PIEZO2: variants seen among roughly 807,000 people sequenced by gnomAD.
PIEZO2 encodes the protein piezo-type mechanosensitive ion channel component 2.
A neutral mutation model predicts 337.3 loss-of-function variants in PIEZO2; 172 were observed. The observed-to-expected ratio is 0.51, with a 90% CI of 0.45 to 0.58. PIEZO2 has a LOEUF of 0.58. Among genes scored for constraint, PIEZO2 ranks in the 20% least tolerant of loss-of-function variants. The pLI is 0.00. For synonymous variants in PIEZO2, 1,251 were observed against 1,228.5 expected (o/e 1.02, Z -0.38); for missense variants, 3,028 against 3,391.3 (o/e 0.89, Z 2.66).
intron 7 of PIEZO2, among the ~76,000 whole-genome samples, chr18:10,817,869 G>C (rs2144427557): frequency 6.7e-6 from 1 of 149,528 alleles, no homozygotes; most frequent in East Asian, 2.0e-4. Flanking sequence ...GTTGCAGTGA[G>C]CCAAGATTGT....
intron 47 of PIEZO2, 40 bp downstream of exon 47, chr18:10,696,034 A>G (rs967828883): frequency 6.4e-7 from 1 of 1,555,948 alleles, no homozygotes; most frequent in South Asian, 1.1e-5. Flanking sequence ...ACACAGTTGC[A>G]TGGAGGCAGG....
At chr18:10,774,154 G>A in intron 18 of PIEZO2, 116 bp from the exon 19 acceptor site, 1 of 666,684 alleles carries the variant, frequency 1.5e-6, no homozygotes, top group Admixed American at 2.2e-5. Flanking sequence ...ATTCCTGTAT[G>A]CCTGTTGCAG....
intron 3 of PIEZO2, among the ~76,000 whole-genome samples, chr18:10,921,082 C>T (rs1945709142): frequency 6.6e-6 from 1 of 152,048 alleles, no homozygotes; most frequent in Non-Finnish European, 1.5e-5. Flanking sequence ...AAAGAATGTG[C>T]ATGGAGGAGT....
intron 4 of PIEZO2, among the ~76,000 whole-genome samples, chr18:10,873,522 CCTA>C (rs932505712): frequency 1.7e-4 from 26 of 152,258 alleles, no homozygotes; most frequent in Admixed American, 5.2e-4. Flanking sequence ...TCATTATTTA[CCTA>C]CTGTTTGCAA....
In PIEZO2 at chr18:10,784,758, G is replaced by A; in HGVS notation, c.2492+26C>T. The A allele has an allele frequency of 2.7e-6, 4 of 1,506,272 alleles. No homozygotes were observed. Among genetic ancestry groups the A allele is most frequent in the Non-Finnish European group, 3.5e-6 (4 of 1,128,208 alleles). 93.3% of individuals were successfully genotyped at this position (1,506,272 alleles called of 1,614,324 possible). ...AAGAGCTGCCTTCCTGCTAATAAGA[G>A]GTCTGTGTTTCTTCCAGTGGCTCAC... is the stretch of plus-strand genomic sequence containing the variant. On this transcript the variant is annotated intron_variant, in intron 17 of 55. Transcript: ENST00000674853. The surrounding 1 kb of genome is among the most constrained non-coding windows in gnomAD (Gnocchi z 4.5).
In PIEZO2 at chr18:11,148,480, C is replaced by A; in HGVS notation, c.64+45G>T. On this transcript the variant is annotated intron_variant, in intron 1 of 55. Transcript: ENST00000674853. This position sits in a 1 kb window ranked among gnomAD's most constrained non-coding sequence, Gnocchi z 5.2. ...TTAAGAAGTCCCCCACCCAGGCGCC[C>A]CCCTCGTCCTCCTCAAGTGCCCTCG... is the stretch of plus-strand genomic sequence containing the variant. 1 of 1,531,992 alleles carries A rather than the reference C, an allele frequency of 6.5e-7. No homozygotes were observed. Among genetic ancestry groups the A allele is most frequent in the Non-Finnish European group, 8.8e-7 (1 of 1,142,310 alleles). 94.9% of individuals were successfully genotyped at this position (1,531,992 alleles called of 1,614,324 possible).
chr18:11,131,773 A>G lies in PIEZO2; in HGVS notation c.64+16752T>C, dbSNP rs2040346963. On this transcript the variant is annotated intron_variant, in intron 1 of 55. Transcript: ENST00000674853. The surrounding 1 kb of genome is among the most constrained non-coding windows in gnomAD (Gnocchi z 5.3). Reference sequence around the variant, plus strand: ...GGACCTGAGTGGTCAAAAACTGTGAAGATATTTGTATCCCATGTGAGTGCT... The same window carrying G: ...GGACCTGAGTGGTCAAAAACTGTGAGGATATTTGTATCCCATGTGAGTGCT... Among the ~76,000 whole-genome samples the G allele has an allele frequency of 6.6e-6, 1 of 152,302 alleles. No individual in the cohort carries two copies.
chr18:10,703,650 T>G (rs936012821), intron 42 of PIEZO2, among the ~76,000 whole-genome samples: 1 of 152,106 alleles, frequency 6.6e-6, no homozygotes. Flanking sequence ...CAAAGCACCA[T>G]GGTCGTCCAG....
At position 10,830,238 on chromosome 18, in the gene PIEZO2, T is replaced by C. The variant is rs901826197; in HGVS notation, c.918-22964A>G. ...TGGTGCTGGGAAAACTGGATATCCA[T>C]ACGCAGAAGATTAACACTAGACCCC... On this transcript the variant is annotated intron_variant, in intron 7 of 55. Coordinates refer to ENST00000674853, the MANE Select transcript of PIEZO2 (RefSeq NM_001378183.1). The surrounding 1 kb of genome is among the most constrained non-coding windows in gnomAD (Gnocchi z 4.7). Among the ~76,000 whole-genome samples, 5 of 152,116 alleles carry C rather than the reference T, an allele frequency of 3.3e-5. No homozygotes were observed. Among genetic ancestry groups the C allele is most frequent in the Non-Finnish European group, 5.9e-5 (4 of 68,014 alleles).
intron 28 of PIEZO2, among the ~76,000 whole-genome samples, chr18:10,752,001 T>TG (rs71362181): frequency 3.3e-4 from 50 of 151,812 alleles, no homozygotes; most frequent in African/African-American, 8.9e-4. Context: ...GTGCGGGTTG[T>TG]GGGGGGGGAG....
chr18:10,956,742 G>A (rs112740152), intron 3 of PIEZO2, among the ~76,000 whole-genome samples: 53 of 152,218 alleles, frequency 3.5e-4, no homozygotes, highest in African/African-American at 1.0e-3. Flanking sequence ...AGGCCGAGGC[G>A]AGTGGATCAC....
Position 10,726,353 on chromosome 18 carries a change from C to T in PIEZO2, c.5029+5054G>A. The T allele has an allele frequency of 6.6e-7, 1 of 1,504,038 alleles. No homozygotes were observed. Among genetic ancestry groups the T allele is most frequent in the Non-Finnish European group, 8.8e-7 (1 of 1,131,186 alleles). The allele number at this position is 1,504,038 out of a possible 1,614,324, so 93.2% of individuals were successfully genotyped here. ...CGCCCCGCCCAGCGCTGCCTCCCTT[C>T]GCCTTCCCCGCAGGCACCCACTACC... is the stretch of plus-strand genomic sequence containing the variant. On this transcript the variant is annotated intron_variant, in intron 36 of 55. Coordinates refer to ENST00000674853, the MANE Select transcript of PIEZO2 (RefSeq NM_001378183.1). This position sits in a 1 kb window ranked among gnomAD's most constrained non-coding sequence, Gnocchi z 5.9.
intron 2 of PIEZO2, among the ~76,000 whole-genome samples, chr18:11,012,718 C>G (rs1480915115): frequency 1.3e-5 from 2 of 152,298 alleles, no homozygotes; most frequent in African/African-American, 4.8e-5. Context: ...TACATTGGCA[C>G]TGATTTTCAG....
Position 10,759,583 on chromosome 18 carries a change from T to C in PIEZO2, c.3656A>G (p.Asp1219Gly). Residue 1219 changes from aspartate to glycine, a missense_variant and splice_region_variant, in exon 26 of 56, where the codon GAT (aspartate) becomes GGT (glycine). Around this residue, in one of 5 missense-constraint regions of PIEZO2, gnomAD observed 1,925 missense variants for 2,051.9 expected, o/e 0.94. Transcript: ENST00000674853. This position sits in a 1 kb window ranked among gnomAD's most constrained non-coding sequence, Gnocchi z 5.5. ...GGCACCCTTGAATCTCCACGGGTAATCTGCAGGGAGGGAAGTGGCGAACAG... is the reference window on the plus strand; with the variant it reads ...GGCACCCTTGAATCTCCACGGGTAACCTGCAGGGAGGGAAGTGGCGAACAG... The part of the protein sequence containing the change: ...CIGIPPAPCR[D>G]YPWRFKGASF... The C allele has an allele frequency of 6.5e-7, 1 of 1,537,272 alleles. No homozygotes were observed. The highest frequency in any genetic ancestry group is 8.7e-7 in the Non-Finnish European group (1 of 1,146,822).
chr18:10,877,097 C>G lies in PIEZO2; in HGVS notation c.330-5682G>C, dbSNP rs116120414. On this transcript the variant is annotated intron_variant, in intron 4 of 55. Transcript: ENST00000674853. The surrounding 1 kb of genome is among the most constrained non-coding windows in gnomAD (Gnocchi z 5.3). Reference sequence around the variant, plus strand: ...TAAGAAATTCTGACTTGTATTGTAGCCACCAGACTCTTCTCTACGTCCTAC... The same window carrying G: ...TAAGAAATTCTGACTTGTATTGTAGGCACCAGACTCTTCTCTACGTCCTAC... Among the ~76,000 whole-genome samples the G allele has an allele frequency of 0.014, 2,067 of 152,260 alleles. 53 individuals are homozygous for G. Among genetic ancestry groups the G allele is most frequent in the African/African-American group, 0.048 (1,980 of 41,536 alleles).
At chr18:10,792,813 T>C (rs1201687955) in intron 13 of PIEZO2, among the ~76,000 whole-genome samples, 2 of 152,234 alleles carry the variant, frequency 1.3e-5, no homozygotes, top group African/African-American at 2.4e-5. Flanking sequence ...TTGCTGGTCT[T>C]ATGGAAATTT....
Position 10,856,355 on chromosome 18 carries a change from C to T in PIEZO2, c.703+646G>A, listed in dbSNP as rs2144698572. On this transcript the variant is annotated intron_variant, in intron 6 of 55. Transcript: ENST00000674853. The surrounding 1 kb of genome is among the most constrained non-coding windows in gnomAD (Gnocchi z 4.7). The stretch of plus-strand genomic sequence containing the variant: ...CTACTGTCATTTCCCCCATTTTTCC[C>T]ACTATTAAAAAACAGCTAAGTTGCT... 6.6e-6 allele frequency among the ~76,000 whole-genome samples: 1 copy of T among 152,142 alleles called. No individual in the cohort carries two copies. Among genetic ancestry groups the T allele is most frequent in the African/African-American group, 2.4e-5 (1 of 41,526 alleles).
intron 28 of PIEZO2, among the ~76,000 whole-genome samples, chr18:10,752,420 C>T (rs182736574): frequency 2.6e-4 from 39 of 152,248 alleles, no homozygotes; most frequent in Admixed American, 7.2e-4. Context: ...ATCCTTTAGC[C>T]ATGTGGCCTT....
intron 2 of PIEZO2, among the ~76,000 whole-genome samples, chr18:11,059,787 G>A (rs934088230): frequency 3.9e-5 from 6 of 152,152 alleles, no homozygotes; most frequent in African/African-American, 1.4e-4. Context: ...AAGAGACTTA[G>A]ACTCCCACAC....
Sources: gnomAD v4.1 joint callset for allele counts (sites outside exome capture counted in the v4.1 genomes callset) on GRCh38, gnomAD v4.1.1 for gene constraint, gnomAD v4.1.1 regional missense constraint, Gnocchi (gnomAD v3.1) non-coding constraint, MANE v1.5 for transcripts, NCBI Gene and HGNC (gene_info 2026-07-23, HGNC 2026-07-21) for gene names.